The following TIAM2 variants were observed in gnomAD, a reference collection of about 807,000 sequenced individuals.
TIAM2 encodes rho guanine nucleotide exchange factor TIAM2.
TIAM2 carries 80 observed loss-of-function variants against 152.9 expected under a neutral mutation model. The ratio of observed to expected loss-of-function variants is 0.52; its 90% CI spans 0.44 to 0.63. TIAM2 has a LOEUF of 0.63. Ranked by LOEUF, TIAM2 falls within the 30% of genes least tolerant of loss-of-function variation. TIAM2 has a pLI of 0.00. For missense variants in TIAM2, 1,965 were observed against 2,120.1 expected (o/e 0.93, Z 1.44); for synonymous variants, 804 against 838.0 (o/e 0.96, Z 0.70).
intron 1 of TIAM2, among the ~76,000 whole-genome samples, chr6:155,027,906 A>T (rs1171250595): frequency 2.6e-4 from 21 of 81,446 alleles, no homozygotes; most frequent in South Asian, 8.0e-4. Context: ...ATACTATATA[A>T]TATGTACTGT....
rs563356219 is a variant in TIAM2 at position 155,182,483 on chromosome 6, G to A, written c.2800+165G>A. ...AATTGGAAATGCGACCAAACACAGC[G>A]GCTCGCTCGCATAAACCCAGCTGCT... On this transcript the variant is annotated intron_variant, in intron 13 of 26. Transcript: ENST00000682666. Among the ~76,000 whole-genome samples, 7 of 152,298 alleles carry A rather than the reference G, an allele frequency of 4.6e-5. No individual in the cohort carries two copies. The East Asian group carries it at 9.6e-4, about 21-fold the overall frequency.
intron 15 of TIAM2, among the ~76,000 whole-genome samples, chr6:155,217,883 C>T (rs1046169770): frequency 3.3e-5 from 5 of 152,058 alleles, no homozygotes; most frequent in Non-Finnish European, 5.9e-5. Context: ...TAGTGTACAG[C>T]GTGAACAAAA....
intron 11 of TIAM2, 50 bp downstream of exon 11, chr6:155,179,193 C>G: frequency 6.5e-7 from 1 of 1,537,614 alleles, no homozygotes; most frequent in Non-Finnish European, 8.9e-7. Flanking sequence ...ATCTATGGCC[C>G]TTTGATTTTG....
chr6:155,133,130 G>A (rs1035728284), intron 4 of TIAM2, among the ~76,000 whole-genome samples: 2 of 152,194 alleles, frequency 1.3e-5, no homozygotes, highest in Non-Finnish European at 2.9e-5. Context: ...TGAGGCAGGC[G>A]GATCACTGGA....
At chr6:155,175,432 A>C (rs1780736842) in intron 9 of TIAM2, among the ~76,000 whole-genome samples, 1 of 152,222 alleles carries the variant, frequency 6.6e-6, no homozygotes, top group Admixed American at 6.5e-5. Flanking sequence ...AGTATGATGA[A>C]TGATATATAA....
Position 155,115,540 on chromosome 6 carries a change from C to T in TIAM2, c.-117-11950C>T, listed in dbSNP as rs542084244. 5.2e-4 allele frequency among the ~76,000 whole-genome samples: 79 copies of T among 152,198 alleles called. 3 individuals carry two copies. Among genetic ancestry groups the T allele is most frequent in the African/African-American group, 1.7e-3 (71 of 41,560 alleles). ...TGGTGGTGCAAGCCTATAGTCCCAG[C>T]TACTTGGGAGGCTGAGACAGGAGGC... On this transcript the variant is annotated intron_variant, in intron 2 of 26. Coordinates refer to ENST00000682666, the MANE Select transcript of TIAM2 (RefSeq NM_012454.4).
chr6:155,184,400 G>A (rs1448671114), intron 14 of TIAM2, among the ~76,000 whole-genome samples: 1 of 152,216 alleles, frequency 6.6e-6, no homozygotes, highest in Non-Finnish European at 1.5e-5. Context: ...TCCATATGAG[G>A]AAATCATTTG....
intron 2 of TIAM2, among the ~76,000 whole-genome samples, chr6:155,102,832 C>T (rs1778582126): frequency 6.7e-6 from 1 of 148,506 alleles, no homozygotes; most frequent in Non-Finnish European, 1.5e-5. Context: ...TTCCTCCCAA[C>T]ATTTTATTAA....
intron 1 of TIAM2, among the ~76,000 whole-genome samples, chr6:154,998,107 C>T (rs184211206): frequency 6.0e-4 from 92 of 152,132 alleles, no homozygotes; most frequent in African/African-American, 2.2e-3. Flanking sequence ...GAAGAATCTG[C>T]GAGTGTGAAT....
At chr6:155,150,095 C>T (rs1361291513) in intron 7 of TIAM2, among the ~76,000 whole-genome samples, 2 of 152,082 alleles carry the variant, frequency 1.3e-5, no homozygotes, top group African/African-American at 4.8e-5. Flanking sequence ...CTCACTCTAT[C>T]TACCTTTGCT....
intron 2 of TIAM2, 101 bp from the exon 3 acceptor site, chr6:155,127,389 C>G: frequency 2.9e-6 from 1 of 349,282 alleles, no homozygotes; most frequent in Middle Eastern, 3.9e-4. Flanking sequence ...CCCTGGACAC[C>G]AGTTGTTTCT....
chr6:155,144,559 C>A, intron 5 of TIAM2, 47 bp from the exon 6 acceptor site: 1 of 1,443,014 alleles, frequency 6.9e-7, no homozygotes, highest in South Asian at 1.6e-5. Context: ...TCCTTTCCTG[C>A]ATCTCCAGGT....
At position 155,101,858 on chromosome 6, in the gene TIAM2, C is replaced by T. The variant is rs538887429; in HGVS notation, c.-118+11479C>T. Among the ~76,000 whole-genome samples, 12 of 152,124 alleles carry T rather than the reference C, an allele frequency of 7.9e-5. No individual in the cohort carries two copies. The South Asian group carries it at 1.9e-3, about 24-fold the overall frequency. ...CTGAGACTACAGGTGGACACTGCCA[C>T]GCCTGGCTATTTTTTGTATTTTTTT... On this transcript the variant is annotated intron_variant, in intron 2 of 26. Coordinates refer to ENST00000682666, the MANE Select transcript of TIAM2 (RefSeq NM_012454.4).
At chr6:155,196,691 A>G (rs1781353831) in intron 14 of TIAM2, among the ~76,000 whole-genome samples, 1 of 152,250 alleles carries the variant, frequency 6.6e-6, no homozygotes, top group South Asian at 2.1e-4. Context: ...AGTGTAAGGC[A>G]AACACATATT....
chr6:155,051,861 A>G (rs1777327287), intron 1 of TIAM2, among the ~76,000 whole-genome samples: 1 of 152,044 alleles, frequency 6.6e-6, no homozygotes, highest in Admixed American at 6.6e-5. Context: ...GATGGTCTCG[A>G]ACTCGTGACT....
At position 155,173,622 on chromosome 6, in the gene TIAM2, T is replaced by C. The variant is rs570707684; in HGVS notation, c.2362-3194T>C. On this transcript the variant is annotated intron_variant, in intron 9 of 26. Transcript: ENST00000682666. ...CTGTAATATGACTGTGAATTTCTAG[T>C]TGTATCCAGCTCAGCACTGAAGTTT... Among the ~76,000 whole-genome samples the C allele has an allele frequency of 2.6e-5, 4 of 152,328 alleles. No individual in the cohort carries two copies. In the East Asian group the frequency reaches 7.7e-4, roughly 29 times the overall value.
chr6:155,079,405 T>A (rs935443722), intron 1 of TIAM2, among the ~76,000 whole-genome samples: 1 of 152,214 alleles, frequency 6.6e-6, no homozygotes, highest in Non-Finnish European at 1.5e-5. Flanking sequence ...ATTTGTCAGA[T>A]GTCTTTGCTG....
chr6:155,029,513 C>CTATAGTATATATAATATATAG (rs1202455648), intron 1 of TIAM2, among the ~76,000 whole-genome samples: 1 of 22,082 alleles, frequency 4.5e-5, no homozygotes, highest in East Asian at 1.7e-3. Context: ...ATAATATATA[C>CTATAGTATATATAATATATAG]TATATATTAT....
chr6:155,104,066 C>A (rs761765106), intron 2 of TIAM2, among the ~76,000 whole-genome samples: 1,927 of 127,250 alleles, frequency 0.015, 132 homozygotes, highest in African/African-American at 0.06. Flanking sequence ...CCCCACACAC[C>A]CCCACACACC....
Sources: allele counts gnomAD v4.1 joint callset (sites outside exome capture counted in the v4.1 genomes callset), GRCh38; gene constraint gnomAD v4.1.1; transcripts MANE v1.5; gene names NCBI Gene and HGNC (gene_info 2026-07-23, HGNC 2026-07-21).